CATSPERB: variants seen among roughly 807,000 people sequenced by gnomAD.
CATSPERB encodes catsper channel auxiliary subunit beta.
CATSPERB carries 93 observed loss-of-function variants against 128.3 expected under a neutral mutation model. The observed-to-expected ratio is 0.72, with a 90% CI of 0.61 to 0.86. The LOEUF is 0.86. CATSPERB is among the 40% of genes least tolerant of loss of function. The pLI is 0.00. For missense variants in CATSPERB, 1,153 were observed against 1,329.5 expected, an observed-to-expected ratio of 0.87 and a Z score of 2.06; for synonymous variants, 381 against 448.8, an observed-to-expected ratio of 0.85 and a Z score of 1.91.
At chr14:91,608,512 C>A (rs1743158) in intron 21 of CATSPERB, 108 bp from the exon 22 acceptor site, 470,426 of 674,840 alleles carry the variant, frequency 0.7, 166,300 homozygotes, top group Admixed American at 0.78. Flanking sequence ...CAATTTTTAG[C>A]TACAGGTATT....
At chr14:91,666,253 C>T (rs892411726) in intron 14 of CATSPERB, among the ~76,000 whole-genome samples, 2 of 152,228 alleles carry the variant, frequency 1.3e-5, no homozygotes, top group African/African-American at 2.4e-5. Flanking sequence ...ACTGGCTTAT[C>T]CTTGCCCTAA....
At chr14:91,597,921 C>G (rs1274872959) in intron 22 of CATSPERB, among the ~76,000 whole-genome samples, 1 of 151,854 alleles carries the variant, frequency 6.6e-6, no homozygotes. Context: ...CATTTTTTAT[C>G]TCAGTTTTTT....
At chr14:91,628,529 G>T (rs2139794764) in intron 17 of CATSPERB, among the ~76,000 whole-genome samples, 1 of 152,254 alleles carries the variant, frequency 6.6e-6, no homozygotes, top group East Asian at 1.9e-4. Context: ...GGAGGTGGTT[G>T]GATCATGGGG....
At chr14:91,649,751 T>A (rs1335099195) in intron 15 of CATSPERB, among the ~76,000 whole-genome samples, 3 of 150,544 alleles carry the variant, frequency 2.0e-5, no homozygotes, top group Non-Finnish European at 4.4e-5. Context: ...GATAGTATTT[T>A]GGATTGCCTT....
At chr14:91,657,630 A>G (rs940843595) in intron 15 of CATSPERB, among the ~76,000 whole-genome samples, 7 of 152,150 alleles carry the variant, frequency 4.6e-5, no homozygotes, top group African/African-American at 1.7e-4. Flanking sequence ...TCTGACAAGG[A>G]ATTAATAACT....
At chr14:91,623,579 T>C (rs1284437937) in intron 18 of CATSPERB, among the ~76,000 whole-genome samples, 1 of 152,230 alleles carries the variant, frequency 6.6e-6, no homozygotes, top group Non-Finnish European at 1.5e-5. Context: ...CCCATCTTAT[T>C]TCTCCACTTG....
intron 22 of CATSPERB, chr14:91,603,294 G>T: frequency 7.2e-7 from 1 of 1,396,494 alleles, no homozygotes; most frequent in Non-Finnish European, 1.0e-6. Context: ...TGTCTTCAGT[G>T]GCACTGGTTT....
chr14:91,622,707 G>A (rs550910968), intron 18 of CATSPERB, among the ~76,000 whole-genome samples: 4 of 152,074 alleles, frequency 2.6e-5, no homozygotes, highest in South Asian at 2.1e-4. Context: ...ACCGACCAAC[G>A]AAAATCCTTT....
At chr14:91,678,330 AG>A (rs1248065323) in intron 11 of CATSPERB, among the ~76,000 whole-genome samples, 1 of 152,222 alleles carries the variant, frequency 6.6e-6, no homozygotes, top group African/African-American at 2.4e-5. Flanking sequence ...AGGCAAACAA[AG>A]TTCAGCCATG....
chr14:91,639,516 G>A (rs906634496), intron 15 of CATSPERB, among the ~76,000 whole-genome samples: 5 of 152,104 alleles, frequency 3.3e-5, no homozygotes, highest in Non-Finnish European at 7.4e-5. Context: ...GAGGAAAAGC[G>A]GTTAGGTCTC....
chr14:91,669,685 A>C, intron 14 of CATSPERB, 129 bp downstream of exon 14: 1 of 851,630 alleles, frequency 1.2e-6, no homozygotes, highest in Non-Finnish European at 1.8e-6. Flanking sequence ...ATAGTCAATA[A>C]ATATTGTCTT....
At chr14:91,716,415 A>G (rs1367349492) in intron 5 of CATSPERB, among the ~76,000 whole-genome samples, 1 of 152,126 alleles carries the variant, frequency 6.6e-6, no homozygotes, top group Admixed American at 6.5e-5. Context: ...TGTTTCTACT[A>G]AAAATACAAA....
chr14:91,710,585 C>T (rs959039593), intron 5 of CATSPERB: 37 of 152,254 alleles, frequency 2.4e-4, no homozygotes, highest in African/African-American at 8.7e-4. Flanking sequence ...TAGCAGTAAA[C>T]CCAGAGATGC....
At chr14:91,625,866 C>T (rs1464839822) in intron 17 of CATSPERB, among the ~76,000 whole-genome samples, 7 of 152,154 alleles carry the variant, frequency 4.6e-5, no homozygotes, top group Admixed American at 1.3e-4. Context: ...TGGCTCACAC[C>T]GGTAATCCCA....
chr14:91,654,734 G>A (rs916061926), intron 15 of CATSPERB, among the ~76,000 whole-genome samples: 2 of 152,132 alleles, frequency 1.3e-5, no homozygotes, highest in Non-Finnish European at 2.9e-5. Flanking sequence ...GCTGATTATA[G>A]AGCTCTTGGG....
chr14:91,709,048 C>G (rs1895786202), intron 5 of CATSPERB: 1 of 152,432 alleles, frequency 6.6e-6, no homozygotes. Context: ...AATGGTCTGG[C>G]TGCACAGGCC....
intron 21 of CATSPERB, 70 bp downstream of exon 21, chr14:91,610,409 TG>T: frequency 8.2e-7 from 1 of 1,215,384 alleles, no homozygotes; most frequent in Non-Finnish European, 1.2e-6. Flanking sequence ...TGAAACTGAA[TG>T]GGTAGGCAAT....
At chr14:91,595,388 C>T (rs1285641) in intron 22 of CATSPERB, among the ~76,000 whole-genome samples, 90,606 of 151,302 alleles carry the variant, frequency 0.6, 27,787 homozygotes, top group East Asian at 0.94. Context: ...AGGATGGTCT[C>T]AATCTCCTGA....
At chr14:91,724,820 G>A (rs1423021290) in intron 3 of CATSPERB, among the ~76,000 whole-genome samples, 1 of 152,148 alleles carries the variant, frequency 6.6e-6, no homozygotes, top group Non-Finnish European at 1.5e-5. Context: ...CTAAAAAGGG[G>A]AGGGAGGAGG....
Sources: allele counts gnomAD v4.1 joint callset (sites outside exome capture counted in the v4.1 genomes callset), GRCh38; gene constraint gnomAD v4.1.1; transcripts MANE v1.5; gene names NCBI Gene and HGNC (gene_info 2026-07-23, HGNC 2026-07-21).